Variants in MAN1A1 observed in about 807,000 individuals in gnomAD.
MAN1A1 encodes mannosyl-oligosaccharide 1,2-alpha-mannosidase IA.
A neutral mutation model predicts 70.8 loss-of-function variants in MAN1A1; 29 were observed. The observed-to-expected ratio is 0.41, with a 90% CI of 0.31 to 0.56. The LOEUF (loss-of-function observed/expected upper bound fraction) is 0.56. Ranked by LOEUF, MAN1A1 falls within the 20% of genes least tolerant of loss-of-function variation. The probability of loss-of-function intolerance (pLI) is 0.29; values close to 1 mark genes in which losing one functional copy is unlikely to be tolerated. For missense variants in MAN1A1, 747 were observed against 841.3 expected (o/e 0.89, Z 1.39); for synonymous variants, 349 against 330.1 (o/e 1.06, Z -0.62).
chr6:119,308,332 T>C (rs1051636541), intron 2 of MAN1A1, among the ~76,000 whole-genome samples: 2 of 152,204 alleles, frequency 1.3e-5, no homozygotes, highest in Admixed American at 6.6e-5. Flanking sequence ...AATCAGATTG[T>C]TGATCTTTCA....
chr6:119,243,924 C>T (rs1246783288), intron 6 of MAN1A1, among the ~76,000 whole-genome samples: 8 of 151,904 alleles, frequency 5.3e-5, no homozygotes, highest in Non-Finnish European at 1.2e-4. Context: ...GACAGCTCTA[C>T]TAAATGTAAC....
At chr6:119,349,404 G>T in intron 1 of MAN1A1, 117 bp from the exon 2 acceptor site, 3 of 929,562 alleles carry the variant, frequency 3.2e-6, no homozygotes, top group Non-Finnish European at 3.9e-6. Flanking sequence ...GCAGAGTCCT[G>T]TCCAGTCCGG....
At chr6:119,218,066 G>A (rs1308806738) in intron 6 of MAN1A1, among the ~76,000 whole-genome samples, 1 of 152,084 alleles carries the variant, frequency 6.6e-6, no homozygotes. Context: ...CTACAATCAT[G>A]CCACATTAGC....
chr6:119,222,390 G>A (rs117413618), intron 6 of MAN1A1, among the ~76,000 whole-genome samples: 4,182 of 143,834 alleles, frequency 0.029, 92 homozygotes, highest in Non-Finnish European at 0.046. Context: ...GCAGTGGTGT[G>A]GTCATGGCTT....
chr6:119,199,869 A>G (rs1225304583), intron 8 of MAN1A1, among the ~76,000 whole-genome samples: 2 of 152,122 alleles, frequency 1.3e-5, no homozygotes, highest in Admixed American at 6.6e-5. Flanking sequence ...CAGAGGTTGC[A>G]ATGAGCTGAG....
intron 2 of MAN1A1, among the ~76,000 whole-genome samples, chr6:119,332,681 G>T (rs1272360499): frequency 1.3e-5 from 2 of 151,762 alleles, no homozygotes; most frequent in Non-Finnish European, 2.9e-5. Flanking sequence ...GCTGGGCGTG[G>T]TGGCGGGCAC....
rs368369392 is a variant in MAN1A1 at position 119,271,774 on chromosome 6, G to T, written c.897+18909C>A. Among the ~76,000 whole-genome samples, 14 of 152,210 alleles carry T rather than the reference G, an allele frequency of 9.2e-5. No homozygotes were observed. In the East Asian group the frequency reaches 1.5e-3, roughly 17 times the overall value. On this transcript the variant is annotated intron_variant, in intron 5 of 12. Coordinates refer to ENST00000368468, the MANE Select transcript of MAN1A1 (RefSeq NM_005907.4). Reference sequence around the variant, plus strand: ...CTGCCTCGGCCTCCCAAAATGCTGGGATTACAGGCATGAGCCACCACGCCC... The same window carrying T: ...CTGCCTCGGCCTCCCAAAATGCTGGTATTACAGGCATGAGCCACCACGCCC...
chr6:119,230,619 A>G (rs1774650107), intron 6 of MAN1A1, among the ~76,000 whole-genome samples: 1 of 152,198 alleles, frequency 6.6e-6, no homozygotes, highest in South Asian at 2.1e-4. Context: ...TGTTTTTGTG[A>G]TTAACTAATG....
intron 4 of MAN1A1, 78 bp downstream of exon 4, chr6:119,301,910 A>G: frequency 1.4e-6 from 1 of 739,104 alleles, no homozygotes; most frequent in Non-Finnish European, 2.3e-6. Context: ...ATTATAATAC[A>G]ATAATAGGGC....
intron 9 of MAN1A1, 125 bp downstream of exon 9, chr6:119,193,652 C>A: frequency 5.3e-6 from 3 of 568,390 alleles, no homozygotes; most frequent in Non-Finnish European, 9.3e-6. Context: ...AGATATCGAA[C>A]TCTACCTAAT....
intron 2 of MAN1A1, among the ~76,000 whole-genome samples, chr6:119,314,294 G>C (rs1037952251): frequency 1.7e-4 from 26 of 152,250 alleles, no homozygotes; most frequent in African/African-American, 6.3e-4. Flanking sequence ...TCTTTCACTG[G>C]ATGAGCAGTA....
At chr6:119,283,401 G>A (rs1297613462) in intron 5 of MAN1A1, among the ~76,000 whole-genome samples, 2 of 152,196 alleles carry the variant, frequency 1.3e-5, no homozygotes, top group South Asian at 2.1e-4. Flanking sequence ...GGCATACAGT[G>A]TTAAGCATGA....
At chr6:119,185,908 G>C (rs1177508818) in intron 11 of MAN1A1, among the ~76,000 whole-genome samples, 1 of 144,880 alleles carries the variant, frequency 6.9e-6, no homozygotes, top group Non-Finnish European at 1.5e-5. Context: ...CATAAGCTGT[G>C]AAAAAATCAC....
chr6:119,324,580 G>C (rs997823574), intron 2 of MAN1A1, among the ~76,000 whole-genome samples: 2 of 152,128 alleles, frequency 1.3e-5, no homozygotes, highest in East Asian at 3.9e-4. Context: ...CAGGATCAGA[G>C]TATTTCTTAC....
chr6:119,203,538 G>T (rs79807609), intron 7 of MAN1A1, among the ~76,000 whole-genome samples: 1 of 152,126 alleles, frequency 6.6e-6, no homozygotes, highest in Non-Finnish European at 1.5e-5. Context: ...GGCTGAGGGG[G>T]TGAGGAAGGG....
intron 6 of MAN1A1, among the ~76,000 whole-genome samples, chr6:119,232,839 T>G (rs1774726124): frequency 1.3e-5 from 2 of 152,112 alleles, no homozygotes; most frequent in South Asian, 4.1e-4. Context: ...TCTTCTCTTT[T>G]ACTCTGTTTT....
At chr6:119,242,745 C>A (rs964538596) in intron 6 of MAN1A1, among the ~76,000 whole-genome samples, 7 of 152,036 alleles carry the variant, frequency 4.6e-5, no homozygotes. Flanking sequence ...ATTATTATTG[C>A]TATTATTTTA....
chr6:119,294,487 T>A (rs575595913), intron 4 of MAN1A1, among the ~76,000 whole-genome samples: 2 of 152,112 alleles, frequency 1.3e-5, no homozygotes, highest in Non-Finnish European at 2.9e-5. Flanking sequence ...GAGTTTGTTT[T>A]AAAATAAAAG....
chr6:119,188,899 A>G lies in MAN1A1; in HGVS notation c.1547-322T>C, dbSNP rs6915050. On this transcript the variant is annotated intron_variant, in intron 10 of 12. Transcript: ENST00000368468. ...TAAAGATAAGAACAAAAACTCTATA[A>G]ATGTTCACTACAGACAGAACCATCC... is the stretch of plus-strand genomic sequence containing the variant. Among the ~76,000 whole-genome samples, 838 of 152,290 alleles carry G rather than the reference A, an allele frequency of 5.5e-3. 9 individuals are homozygous for G. Among genetic ancestry groups the G allele is most frequent in the African/African-American group, 0.019 (789 of 41,544 alleles).
Sources: gnomAD v4.1 joint callset for allele counts (sites outside exome capture counted in the v4.1 genomes callset) on GRCh38, gnomAD v4.1.1 for gene constraint, MANE v1.5 for transcripts, NCBI Gene and HGNC (gene_info 2026-07-23, HGNC 2026-07-21) for gene names.